Variants in STX17 observed in about 807,000 individuals in gnomAD.
STX17 encodes syntaxin 17, also known as syntaxin-17.
In STX17, 29 loss-of-function variants were observed where a neutral mutation model predicts 35.9. That is an observed-to-expected ratio of 0.81 (90% confidence interval 0.60 to 1.10). The LOEUF is 1.10. STX17 is among the 50% of genes least tolerant of loss of function. The probability of loss-of-function intolerance (pLI) is 0.00; values close to 1 mark genes in which losing one functional copy is unlikely to be tolerated. For missense variants in STX17, 312 were observed against 352.3 expected (o/e 0.89, Z 0.92); for synonymous variants, 92 against 118.3 (o/e 0.78, Z 1.44).
At chr9:99,932,029 T>G (rs1829135014) in intron 3 of STX17, among the ~76,000 whole-genome samples, 1 of 152,200 alleles carries the variant, frequency 6.6e-6, no homozygotes, top group African/African-American at 2.4e-5. Flanking sequence ...TGTTCTTATT[T>G]AGTTTTCTGA....
At chr9:99,953,467 A>T (rs1378272197) in intron 4 of STX17, among the ~76,000 whole-genome samples, 1 of 152,088 alleles carries the variant, frequency 6.6e-6, no homozygotes, top group African/African-American at 2.4e-5. Flanking sequence ...TTTGGGAAGA[A>T]TGCTTTTTGA....
rs1828639456 is a variant in STX17 at position 99,910,571 on chromosome 9, C to A, written c.-63+3865C>A. On this transcript the variant is annotated intron_variant, in intron 1 of 7. Coordinates refer to ENST00000259400, the MANE Select transcript of STX17 (RefSeq NM_017919.3). ...TTTCAATTAATACACAATAATTTTA[C>A]ATATTTATAGGATACATGTGATGTT... Among the ~76,000 whole-genome samples, 2 of 151,868 alleles carry A rather than the reference C, an allele frequency of 1.3e-5. 1 individual carries two copies. Among genetic ancestry groups the A allele is most frequent in the South Asian group, 4.2e-4 (2 of 4,818 alleles).
intron 3 of STX17, among the ~76,000 whole-genome samples, chr9:99,936,068 G>T (rs1829227083): frequency 6.6e-6 from 1 of 152,168 alleles, no homozygotes; most frequent in East Asian, 1.9e-4. Flanking sequence ...CATTTATGTT[G>T]TAATGTCTGT....
At chr9:99,955,558 T>C (rs992329965) in intron 4 of STX17, among the ~76,000 whole-genome samples, 2 of 152,116 alleles carry the variant, frequency 1.3e-5, no homozygotes, top group Admixed American at 1.3e-4. Context: ...CTTTTTCTTA[T>C]GTGGTAAAGG....
chr9:99,963,633 T>C (rs973960558), intron 6 of STX17, among the ~76,000 whole-genome samples: 10 of 152,174 alleles, frequency 6.6e-5, no homozygotes, highest in African/African-American at 2.4e-4. Flanking sequence ...TGTCCTTCCT[T>C]TATTTTCATT....
chr9:99,929,434 T>C (rs13340694), intron 3 of STX17, among the ~76,000 whole-genome samples: 40,276 of 151,622 alleles, frequency 0.27, 6,176 homozygotes, highest in Non-Finnish European at 0.35. Context: ...ATTTACATGG[T>C]TTTAAAAGCC....
chr9:99,918,675 G>GT (rs1828830607), intron 2 of STX17, among the ~76,000 whole-genome samples: 1 of 152,014 alleles, frequency 6.6e-6, no homozygotes, highest in South Asian at 2.1e-4. Context: ...GTGTAAATGT[G>GT]TTTGTGTGTA....
At chr9:99,955,260 G>A (rs149621793) in intron 4 of STX17, among the ~76,000 whole-genome samples, 15 of 152,114 alleles carry the variant, frequency 9.9e-5, no homozygotes, top group South Asian at 2.1e-4. Context: ...TCAGACCAGC[G>A]TATTGAATTT....
At chr9:99,962,947 T>G (rs1829855187) in intron 6 of STX17, among the ~76,000 whole-genome samples, 1 of 152,184 alleles carries the variant, frequency 6.6e-6, no homozygotes, top group Admixed American at 6.5e-5. Flanking sequence ...GACATGATAG[T>G]GTCTAGACAA....
intron 4 of STX17, among the ~76,000 whole-genome samples, chr9:99,958,923 T>C (rs1829769623): frequency 6.6e-6 from 1 of 152,162 alleles, no homozygotes; most frequent in Non-Finnish European, 1.5e-5. Context: ...GGCCAGAAGA[T>C]TGAGGAGAAG....
intron 3 of STX17, among the ~76,000 whole-genome samples, chr9:99,950,328 C>G (rs1465592812): frequency 6.6e-6 from 1 of 151,794 alleles, no homozygotes; most frequent in Non-Finnish European, 1.5e-5. Context: ...ACAACAATAG[C>G]TTCTGAAATA....
At chr9:99,937,092 C>A (rs1282422376) in intron 3 of STX17, among the ~76,000 whole-genome samples, 1 of 152,138 alleles carries the variant, frequency 6.6e-6, no homozygotes. Context: ...GCTGTCTTCT[C>A]ACTTGCATTG....
At chr9:99,911,193 G>A (rs757756581) in intron 1 of STX17, among the ~76,000 whole-genome samples, 6 of 152,016 alleles carry the variant, frequency 3.9e-5, no homozygotes, top group African/African-American at 1.2e-4. Context: ...ATGCCACCAC[G>A]CCTGGCTAAT....
chr9:99,922,956 T>G (rs1469921547), intron 2 of STX17, among the ~76,000 whole-genome samples: 3 of 152,186 alleles, frequency 2.0e-5, no homozygotes, highest in African/African-American at 7.2e-5. Context: ...TGAAGAAAAT[T>G]GTTCCTGTCC....
At chr9:99,951,923 G>A (rs1185625088) in intron 4 of STX17, among the ~76,000 whole-genome samples, 2 of 151,718 alleles carry the variant, frequency 1.3e-5, no homozygotes, top group Non-Finnish European at 2.9e-5. Context: ...AATCTTTTGG[G>A]TATTCAATGG....
intron 2 of STX17, among the ~76,000 whole-genome samples, chr9:99,916,922 G>A (rs1261413447): frequency 1.3e-5 from 2 of 152,070 alleles, no homozygotes; most frequent in Non-Finnish European, 2.9e-5. Flanking sequence ...AATGCCTGCT[G>A]TCAGTACCCT....
At chr9:99,911,345 T>TA (rs1439310052) in intron 1 of STX17, among the ~76,000 whole-genome samples, 3 of 152,214 alleles carry the variant, frequency 2.0e-5, no homozygotes, top group Non-Finnish European at 4.4e-5. Flanking sequence ...TTCTTTTTTT[T>TA]AATGGCTGAA....
chr9:99,910,496 A>T (rs568382932), intron 1 of STX17, among the ~76,000 whole-genome samples: 1 of 152,226 alleles, frequency 6.6e-6, no homozygotes, highest in East Asian at 1.9e-4. Context: ...AAATCTGTCT[A>T]CCTAATAATT....
At chr9:99,927,345 G>T (rs2118364165) in intron 2 of STX17, among the ~76,000 whole-genome samples, 1 of 152,242 alleles carries the variant, frequency 6.6e-6, no homozygotes, top group South Asian at 2.1e-4. Flanking sequence ...CTGCCTAAAA[G>T]AGCTTTCACA....
Sources: gnomAD v4.1 joint callset for allele counts (sites outside exome capture counted in the v4.1 genomes callset) on GRCh38, gnomAD v4.1.1 for gene constraint, MANE v1.5 for transcripts, NCBI Gene and HGNC (gene_info 2026-07-23, HGNC 2026-07-21) for gene names.